PRR16: variants seen among roughly 807,000 people sequenced by gnomAD.
The protein encoded by PRR16 is protein Largen.
A neutral mutation model predicts 18.2 loss-of-function variants in PRR16; 6 were observed. The observed-to-expected ratio is 0.33, with a 90% CI of 0.18 to 0.65. PRR16 has a LOEUF of 0.65. Ranked by LOEUF, PRR16 falls within the 30% of genes least tolerant of loss-of-function variation. The pLI is 0.74. For synonymous variants in PRR16, 151 were observed against 147.8 expected (o/e 1.02, Z -0.16); for missense variants, 412 against 376.6 (o/e 1.09, Z -0.78).
the PRR16 span, among the ~76,000 whole-genome samples, chr5:120,721,154 T>C: frequency 6.6e-6 from 1 of 152,096 alleles, no homozygotes; most frequent in South Asian, 2.1e-4. Flanking sequence ...CATCCATTTA[T>C]TAAATAAGAC....
At chr5:120,713,731 T>A in the PRR16 span, among the ~76,000 whole-genome samples, 1 of 152,160 alleles carries the variant, frequency 6.6e-6, no homozygotes, top group South Asian at 2.1e-4. Flanking sequence ...TCATAGTACA[T>A]CTTTTTATAT....
chr5:120,548,777 A>G (rs1752155221), intron 1 of PRR16, among the ~76,000 whole-genome samples: 1 of 97,622 alleles, frequency 1.0e-5, no homozygotes. Flanking sequence ...CCAAGAGGTG[A>G]CTAAGGAATC....
At chr5:120,737,449 T>C in the PRR16 span, among the ~76,000 whole-genome samples, 1 of 151,716 alleles carries the variant, frequency 6.6e-6, no homozygotes, top group Non-Finnish European at 1.5e-5. Context: ...GATTTTTATA[T>C]GGTGAGCCAT....
intron 1 of PRR16, among the ~76,000 whole-genome samples, chr5:120,470,049 T>C (rs1165419931): frequency 1.3e-5 from 2 of 152,218 alleles, no homozygotes; most frequent in Non-Finnish European, 1.5e-5. Context: ...GGATCTCAGG[T>C]ACTTAAATCT....
At chr5:120,523,955 C>T (rs189295185) in intron 1 of PRR16, among the ~76,000 whole-genome samples, 1 of 152,112 alleles carries the variant, frequency 6.6e-6, no homozygotes, top group African/African-American at 2.4e-5. Context: ...ATATGTAGAT[C>T]ACAAGGGTCA....
chr5:120,673,304 G>C (rs1247194346), intron 1 of PRR16, among the ~76,000 whole-genome samples: 1 of 152,150 alleles, frequency 6.6e-6, no homozygotes, highest in Non-Finnish European at 1.5e-5. Context: ...GTTAGAAGTG[G>C]TGCATGATGA....
At chr5:120,740,746 G>C in the PRR16 span, among the ~76,000 whole-genome samples, 2 of 152,146 alleles carry the variant, frequency 1.3e-5, no homozygotes, top group African/African-American at 4.8e-5. Flanking sequence ...TAGGAATTGG[G>C]GGAGGGGGAC....
At chr5:120,695,589 G>A in the PRR16 span, among the ~76,000 whole-genome samples, 1 of 152,052 alleles carries the variant, frequency 6.6e-6, no homozygotes. Context: ...AATACCCAAT[G>A]GAGAAACTTT....
chr5:120,720,796 A>G, the PRR16 span, among the ~76,000 whole-genome samples: 11 of 152,084 alleles, frequency 7.2e-5, no homozygotes, highest in African/African-American at 2.7e-4. Flanking sequence ...CAGTTTTATG[A>G]TGGATTTATA....
chr5:120,768,549 G>A, the PRR16 span, among the ~76,000 whole-genome samples: 2 of 151,512 alleles, frequency 1.3e-5, no homozygotes, highest in Non-Finnish European at 3.0e-5. Flanking sequence ...TCCGAATCCT[G>A]AATTAATACT....
At chr5:120,781,978 G>GTAATT in the PRR16 span, among the ~76,000 whole-genome samples, 1 of 143,436 alleles carries the variant, frequency 7.0e-6, no homozygotes, top group African/African-American at 2.7e-5. Flanking sequence ...GTGGGTATTT[G>GTAATT]TAATTTACTA....
rs79579814 is a variant in PRR16, at chr5:120,525,835, G to A, written c.159+61190G>A. Among the ~76,000 whole-genome samples, 809 of 152,238 alleles carry A rather than the reference G, an allele frequency of 5.3e-3. 2 individuals carry two copies. Among genetic ancestry groups the A allele is most frequent in the Non-Finnish European group, 9.4e-3 (638 of 68,008 alleles). On this transcript the variant is annotated intron_variant, in intron 1 of 1. Transcript: ENST00000407149. ...AAAGGGTCAAGTTGGTGCAATAGATGTTGAGCACATTTTTTAATGAGGCAA... is the reference window on the plus strand; with the variant it reads ...AAAGGGTCAAGTTGGTGCAATAGATATTGAGCACATTTTTTAATGAGGCAA...
the PRR16 span, among the ~76,000 whole-genome samples, chr5:120,765,503 T>G: frequency 3.0e-4 from 46 of 152,190 alleles, no homozygotes; most frequent in African/African-American, 1.1e-3. Context: ...GCCTTTCATT[T>G]AAAAGAACAT....
At chr5:120,612,790 ATAAATG>A (rs1355352870) in intron 1 of PRR16, among the ~76,000 whole-genome samples, 7 of 152,208 alleles carry the variant, frequency 4.6e-5, no homozygotes, top group Admixed American at 4.6e-4. Context: ...TAAAATGCTA[ATAAATG>A]TAATTCTTTT....
At chr5:120,743,069 C>T in the PRR16 span, among the ~76,000 whole-genome samples, 1 of 152,284 alleles carries the variant, frequency 6.6e-6, no homozygotes, top group African/African-American at 2.4e-5. Context: ...CCTGTTCTAC[C>T]TATTATCTTG....
intron 1 of PRR16, among the ~76,000 whole-genome samples, chr5:120,495,747 G>T (rs1056533741): frequency 1.3e-5 from 2 of 151,886 alleles, no homozygotes; most frequent in South Asian, 4.1e-4. Context: ...GTAGACAATC[G>T]TACCCTTTGC....
chr5:120,589,774 G>A (rs1347437887), intron 1 of PRR16, among the ~76,000 whole-genome samples: 1 of 152,042 alleles, frequency 6.6e-6, no homozygotes, highest in Non-Finnish European at 1.5e-5. Context: ...TCTCCCACCA[G>A]GTCCCTCCTG....
chr5:120,746,844 A>G, the PRR16 span, among the ~76,000 whole-genome samples: 103 of 152,296 alleles, frequency 6.8e-4, no homozygotes, highest in African/African-American at 2.3e-3. Flanking sequence ...ATTTGAGAAC[A>G]AATGAAAACA....
chr5:120,643,735 T>A (rs1308056964), intron 1 of PRR16, among the ~76,000 whole-genome samples: 1 of 152,112 alleles, frequency 6.6e-6, no homozygotes, highest in African/African-American at 2.4e-5. Flanking sequence ...CTGGGCATGG[T>A]GGCTCACACC....
Sources: allele counts gnomAD v4.1 joint callset (sites outside exome capture counted in the v4.1 genomes callset), GRCh38; gene constraint gnomAD v4.1.1; transcripts MANE v1.5; gene names NCBI Gene and HGNC (gene_info 2026-07-23, HGNC 2026-07-21).